TRPM3: variants seen among roughly 807,000 people sequenced by gnomAD.
TRPM3 encodes the protein transient receptor potential cation channel subfamily M member 3.
Under a neutral mutation model 181.2 loss-of-function variants are expected in TRPM3, and 77 were observed. That is an observed-to-expected ratio of 0.42 (90% CI 0.35 to 0.51). TRPM3 has a LOEUF of 0.51. Among genes scored for constraint, TRPM3 ranks in the 20% least tolerant of loss-of-function variants. TRPM3 has a pLI of 0.01. For synonymous variants in TRPM3, 745 were observed against 796.4 expected (o/e 0.94, Z 1.09); for missense variants, 1,759 against 2,196.7 (o/e 0.80, Z 3.98).
intron 1 of TRPM3, among the ~76,000 whole-genome samples, chr9:71,420,966 G>A (rs10120460): frequency 0.06 from 2,336 of 39,078 alleles, 15 homozygotes; most frequent in East Asian, 0.1. Flanking sequence ...AGAGAAAAAG[G>A]GAGAGAAAAA....
At chr9:71,075,818 T>C (rs1352534960) in intron 1 of TRPM3, among the ~76,000 whole-genome samples, 1 of 152,254 alleles carries the variant, frequency 6.6e-6, no homozygotes, top group Non-Finnish European at 1.5e-5. Context: ...ACAGAAATAC[T>C]GTACACTATT....
intron 1 of TRPM3, among the ~76,000 whole-genome samples, chr9:71,351,826 G>A (rs1375655662): frequency 1.3e-5 from 2 of 151,634 alleles, no homozygotes; most frequent in Admixed American, 1.3e-4. Context: ...CAATAAGAAG[G>A]TAGGAGAGAG....
Position 71,191,951 on chromosome 9 carries a change from C to A in TRPM3, c.183+254702G>T, listed in dbSNP as rs193300071. Among the ~76,000 whole-genome samples the A allele has an allele frequency of 2.3e-3, 353 of 151,798 alleles. 1 individual carries two copies. Among genetic ancestry groups the A allele is most frequent in the Non-Finnish European group, 4.1e-3 (275 of 67,816 alleles). On this transcript the variant is annotated intron_variant, in intron 1 of 24. Transcript: ENST00000357533. ...GGGGAGGTAACTATGTGCTTTACTC[C>A]CTCACATAGCACTAAATGGAACATT...
At chr9:70,867,963 T>C (rs953017741) in intron 1 of TRPM3, among the ~76,000 whole-genome samples, 15 of 152,092 alleles carry the variant, frequency 9.9e-5, no homozygotes, top group African/African-American at 3.6e-4. Context: ...TATCTCAGAA[T>C]AGTTATCCTC....
intron 1 of TRPM3, among the ~76,000 whole-genome samples, chr9:71,319,159 T>C (rs1472449377): frequency 2.6e-5 from 4 of 152,152 alleles, no homozygotes; most frequent in South Asian, 4.1e-4. Flanking sequence ...GTTATGTCCA[T>C]AGTCACATAC....
chr9:71,407,352 G>A (rs1436966841), intron 1 of TRPM3, among the ~76,000 whole-genome samples: 2 of 152,166 alleles, frequency 1.3e-5, no homozygotes, highest in Non-Finnish European at 2.9e-5. Flanking sequence ...CTGGTACCTG[G>A]AAAACCAGGA....
At chr9:70,553,776 A>G (rs1358952113) in intron 22 of TRPM3, among the ~76,000 whole-genome samples, 5 of 152,224 alleles carry the variant, frequency 3.3e-5, no homozygotes, top group African/African-American at 1.2e-4. Flanking sequence ...GGAATTAACA[A>G]CAGGGCAGCT....
chr9:71,086,992 G>T (rs948251945), intron 1 of TRPM3, among the ~76,000 whole-genome samples: 1 of 151,916 alleles, frequency 6.6e-6, no homozygotes, highest in African/African-American at 2.4e-5. Context: ...TGAAACTACC[G>T]AATTTCCTGC....
intron 6 of TRPM3, among the ~76,000 whole-genome samples, chr9:70,792,189 G>A (rs560559750): frequency 5.9e-5 from 9 of 152,260 alleles, no homozygotes; most frequent in Middle Eastern, 6.8e-3. Flanking sequence ...TGTCAGACCT[G>A]CAGTGAGCCA....
chr9:70,926,771 T>A (rs944364093), intron 1 of TRPM3, among the ~76,000 whole-genome samples: 9 of 152,202 alleles, frequency 5.9e-5, no homozygotes, highest in Non-Finnish European at 2.9e-5. Context: ...GAACATATTG[T>A]AACAGTCTCA....
At chr9:71,417,644 A>C (rs893112825) in intron 1 of TRPM3, among the ~76,000 whole-genome samples, 1 of 152,046 alleles carries the variant, frequency 6.6e-6, no homozygotes, top group African/African-American at 2.4e-5. Context: ...ATGGAAACAT[A>C]TCTGAGAAAG....
chr9:70,837,026 G>T (rs2094366212), intron 5 of TRPM3, among the ~76,000 whole-genome samples: 1 of 152,198 alleles, frequency 6.6e-6, no homozygotes, highest in African/African-American at 2.4e-5. Context: ...TCCAGGCTCA[G>T]CAAGCATTGG....
chr9:71,080,021 T>C (rs1387494661), intron 1 of TRPM3, among the ~76,000 whole-genome samples: 3 of 151,810 alleles, frequency 2.0e-5, no homozygotes, highest in African/African-American at 7.3e-5. Context: ...AAATACAAAA[T>C]TAGCTGGGCA....
At chr9:70,954,856 T>C (rs1280508416) in intron 1 of TRPM3, among the ~76,000 whole-genome samples, 1 of 152,118 alleles carries the variant, frequency 6.6e-6, no homozygotes, top group East Asian at 1.9e-4. Flanking sequence ...ATATGAATTA[T>C]GCCAAAGAGA....
At chr9:70,956,963 T>C (rs533485161) in intron 1 of TRPM3, among the ~76,000 whole-genome samples, 7 of 116,156 alleles carry the variant, frequency 6.0e-5, no homozygotes, top group Admixed American at 5.7e-4. Context: ...CTTTCTTTCT[T>C]TTTTTTTTTT....
intron 12 of TRPM3, among the ~76,000 whole-genome samples, chr9:70,626,245 C>T (rs1281467112): frequency 6.6e-6 from 1 of 152,118 alleles, no homozygotes; most frequent in Non-Finnish European, 1.5e-5. Context: ...GAGTTAGTTC[C>T]ATTTGTGAGA....
intron 7 of TRPM3, among the ~76,000 whole-genome samples, chr9:70,763,183 C>T (rs1485586424): frequency 1.3e-5 from 2 of 152,108 alleles, no homozygotes; most frequent in Non-Finnish European, 2.9e-5. Flanking sequence ...CCCCTTCCCC[C>T]ACTCCTACAA....
rs149322583 is a variant in TRPM3 at position 71,385,255 on chromosome 9, CTAAT to C, written c.183+61394_183+61397del. Among the ~76,000 whole-genome samples, 1,439 of 152,234 alleles carry C rather than the reference CTAAT, an allele frequency of 9.5e-3. 25 individuals carry two copies. The highest frequency in any genetic ancestry group is 0.032 in the African/African-American group (1,349 of 41,546). ...AGTCTCAAAATATCAATCTAGAAAA[CTAAT>C]TATTTCTGAAAAATATTTCTTTCTT... On this transcript the variant is annotated intron_variant, in intron 1 of 24. Coordinates refer to the TRPM3 transcript ENST00000357533.
At chr9:70,743,187 A>T (rs775147507) in intron 8 of TRPM3, among the ~76,000 whole-genome samples, 7 of 152,184 alleles carry the variant, frequency 4.6e-5, no homozygotes, top group Non-Finnish European at 1.0e-4. Context: ...GGCTGGAAGG[A>T]TAGACTAAGT....
Sources: gnomAD v4.1 joint callset for allele counts (sites outside exome capture counted in the v4.1 genomes callset) on GRCh38, gnomAD v4.1.1 for gene constraint, MANE v1.5 for transcripts, NCBI Gene and HGNC (gene_info 2026-07-23, HGNC 2026-07-21) for gene names.